PCDHA7: variants seen among roughly 807,000 people sequenced by gnomAD.
PCDHA7 encodes the protein protocadherin alpha 7, also known as protocadherin alpha-7.
Under a neutral mutation model 57.2 loss-of-function variants are expected in PCDHA7, and 37 were observed. That is an observed-to-expected ratio of 0.65 (90% confidence interval 0.50 to 0.85). PCDHA7 has a LOEUF of 0.85. Among genes scored for constraint, PCDHA7 ranks in the 40% least tolerant of loss-of-function variants. The pLI is 0.00. For synonymous variants in PCDHA7, 553 were observed against 558.8 expected, an observed-to-expected ratio of 0.99 and a Z score of 0.15; for missense variants, 1,188 against 1,241.8, an observed-to-expected ratio of 0.96 and a Z score of 0.65.
At chr5:140,929,103 G>C (rs1424047708) in intron 1 of PCDHA7, 1 of 1,614,062 alleles carries the variant, frequency 6.2e-7, no homozygotes, top group East Asian at 2.2e-5. Flanking sequence ...ATCCTTGCAT[G>C]ACATCAGCCA....
chr5:140,884,209 T>G (rs1159344104), intron 1 of PCDHA7: 6 of 1,613,276 alleles, frequency 3.7e-6, no homozygotes, highest in Non-Finnish European at 3.4e-6. Context: ...ACCACCGCCT[T>G]CTGGTGCTGG....
rs782439866 is a variant in PCDHA7, at chr5:140,871,196, A to G, written c.2355+34458A>G. ...GCTGCGCTGGTGGATGTCAACGTGT[A>G]CCTGATCATCGCCATCTGCGTGGTG... On this transcript the variant is annotated intron_variant, in intron 1 of 3. Coordinates refer to ENST00000525929, the MANE Select transcript of PCDHA7 (RefSeq NM_018910.3). 19 of 1,613,546 alleles carry G rather than the reference A, an allele frequency of 1.2e-5. No homozygotes were observed. Among genetic ancestry groups the G allele is most frequent in the Non-Finnish European group, 1.6e-5 (19 of 1,179,946 alleles).
chr5:140,899,491 A>T (rs1333944586), intron 1 of PCDHA7, among the ~76,000 whole-genome samples: 1 of 152,196 alleles, frequency 6.6e-6, no homozygotes, highest in East Asian at 1.9e-4. Flanking sequence ...GCTGGATTAC[A>T]TTTATTGATT....
chr5:140,986,198 C>T (rs782730684), intron 3 of PCDHA7, among the ~76,000 whole-genome samples: 1 of 152,200 alleles, frequency 6.6e-6, no homozygotes, highest in African/African-American at 2.4e-5. Flanking sequence ...ATTGGTTAAT[C>T]CTGATTACTG....
At chr5:140,861,739 G>A (rs2047048069) in intron 1 of PCDHA7, 3 of 159,798 alleles carry the variant, frequency 1.9e-5, no homozygotes, top group Admixed American at 1.3e-4. Context: ...CTTACATACT[G>A]TGCCGCAATG....
intron 1 of PCDHA7, chr5:140,841,424 G>A: frequency 6.2e-7 from 1 of 1,612,920 alleles, no homozygotes; most frequent in Non-Finnish European, 8.5e-7. Context: ...CCACTACTCC[G>A]TCCCCGAGGA....
At chr5:140,984,307 G>T (rs2153833813) in intron 3 of PCDHA7, among the ~76,000 whole-genome samples, 1 of 152,288 alleles carries the variant, frequency 6.6e-6, no homozygotes, top group Non-Finnish European at 1.5e-5. Context: ...GCTGGTTGGT[G>T]TGTATTCCTA....
At chr5:140,899,518 C>T (rs546972156) in intron 1 of PCDHA7, among the ~76,000 whole-genome samples, 145 of 152,230 alleles carry the variant, frequency 9.5e-4, no homozygotes, top group African/African-American at 2.6e-3. Context: ...TATTGCATCC[C>T]AGGGATGAAG....
chr5:141,009,103 C>G (rs1440460108), intron 3 of PCDHA7, among the ~76,000 whole-genome samples: 1 of 152,170 alleles, frequency 6.6e-6, no homozygotes, highest in African/African-American at 2.4e-5. Flanking sequence ...ACATATGTTA[C>G]TATGAAACTA....
chr5:140,850,744 ACTCG>A lies in PCDHA7; in HGVS notation c.2355+14008_2355+14011del, dbSNP rs2041800778. ...TCTAGCGCGGTGGGGAGTTGGTCGT[ACTCG>A]CAGCAGAGGAGGCAGAGGGTGTGCT... On this transcript the variant is annotated intron_variant, in intron 1 of 3. Coordinates refer to ENST00000525929, the MANE Select transcript of PCDHA7 (RefSeq NM_018910.3). 1.3e-6 allele frequency: 2 copies of A among 1,597,470 alleles called. 1 individual carries two copies. The highest frequency in any genetic ancestry group is 2.7e-5 in the African/African-American group (2 of 74,012).
At chr5:140,978,827 G>T (rs2096825118) in intron 1 of PCDHA7, 122 bp from the exon 2 acceptor site, 2 of 1,528,744 alleles carry the variant, frequency 1.3e-6, no homozygotes, top group Admixed American at 2.0e-5. Flanking sequence ...ACATGAAATG[G>T]CTCATTCAAT....
In PCDHA7 at chr5:140,836,438, C is replaced by T. The variant is rs2150261079; in HGVS notation, c.2055C>T (p.Gly685=). The part of the protein sequence containing the change: ...APKASSRASL[G]IAGPETELVD... Reference sequence around the variant, plus strand: ...AGGCGTCGTCGCGGGCATCGTTGGGCATTGCAGGCCCAGAGACCGAGCTGG... The same window carrying T: ...AGGCGTCGTCGCGGGCATCGTTGGGTATTGCAGGCCCAGAGACCGAGCTGG... The change falls in exon 1 of 4, where the codon GGC becomes GGT. Residue 685 remains glycine, a synonymous_variant. Coordinates refer to ENST00000525929, the MANE Select transcript of PCDHA7 (RefSeq NM_018910.3). 6.2e-7 allele frequency: 1 copy of T among 1,613,840 alleles called. No homozygotes were observed. The highest frequency in any genetic ancestry group is 1.3e-5 in the African/African-American group (1 of 74,970).
At chr5:140,867,614 T>C (rs1157399169) in intron 1 of PCDHA7, 3 of 152,134 alleles carry the variant, frequency 2.0e-5, no homozygotes, top group Non-Finnish European at 2.9e-5. Context: ...ATCAAAACTA[T>C]AGAACAAAAT....
chr5:140,880,449 T>G (rs2058348423), intron 1 of PCDHA7, among the ~76,000 whole-genome samples: 1 of 152,024 alleles, frequency 6.6e-6, no homozygotes. Flanking sequence ...TAGTAGAAAA[T>G]GAAAACAGAT....
rs1007978772 is a variant in PCDHA7 at position 140,843,987 on chromosome 5, G to C, written c.2355+7249G>C. 1.2e-4 allele frequency among the ~76,000 whole-genome samples: 18 copies of C among 149,540 alleles called. 1 individual carries two copies. Among genetic ancestry groups the C allele is most frequent in the African/African-American group, 4.2e-4 (17 of 40,920 alleles). On this transcript the variant is annotated intron_variant, in intron 1 of 3. Transcript: ENST00000525929. ...ATTTATTTTGGCCTGCCTTACAGCCGTCTTCTCTGAACAATACTCTAAGGA... is the reference window on the plus strand; with the variant it reads ...ATTTATTTTGGCCTGCCTTACAGCCCTCTTCTCTGAACAATACTCTAAGGA...
chr5:140,953,131 C>T (rs1554220819), intron 1 of PCDHA7, among the ~76,000 whole-genome samples: 1 of 152,158 alleles, frequency 6.6e-6, no homozygotes, highest in African/African-American at 2.4e-5. Context: ...TAAACCGTAT[C>T]ACTGTTATAT....
intron 1 of PCDHA7, among the ~76,000 whole-genome samples, chr5:140,855,367 A>C (rs1244767077): frequency 6.7e-6 from 1 of 150,034 alleles, no homozygotes; most frequent in African/African-American, 2.4e-5. Flanking sequence ...AGTGAGTAGG[A>C]TAATAGGAAT....
chr5:140,941,942 T>C (rs2093203170), intron 1 of PCDHA7, among the ~76,000 whole-genome samples: 1 of 152,234 alleles, frequency 6.6e-6, no homozygotes, highest in African/African-American at 2.4e-5. Flanking sequence ...GAATTACTTT[T>C]GTTTTGAAAA....
chr5:140,967,021 C>G, intron 1 of PCDHA7: 2 of 1,607,830 alleles, frequency 1.2e-6, no homozygotes, highest in Non-Finnish European at 1.7e-6. Context: ...TGGGTGCGCC[C>G]AGTCCGCGCT....
Sources: gnomAD v4.1 joint callset for allele counts (sites outside exome capture counted in the v4.1 genomes callset) on GRCh38, gnomAD v4.1.1 for gene constraint, MANE v1.5 for transcripts, NCBI Gene and HGNC (gene_info 2026-07-23, HGNC 2026-07-21) for gene names.